Variants in SPAST observed in about 807,000 individuals in gnomAD.
SPAST encodes the protein spastic paraplegia 4 (autosomal dominant; spastin).
Under a neutral mutation model 76.6 loss-of-function variants are expected in SPAST, and 30 were observed. That is an observed-to-expected ratio of 0.39 (90% CI 0.29 to 0.53). The LOEUF is 0.53. Ranked by LOEUF, SPAST falls within the 20% of genes least tolerant of loss-of-function variation. The pLI, the probability that SPAST is intolerant of heterozygous loss-of-function variation, is 0.68. For missense variants in SPAST, 717 were observed against 770.5 expected, an observed-to-expected ratio of 0.93 and a Z score of 0.82; for synonymous variants, 305 against 281.0, an observed-to-expected ratio of 1.09 and a Z score of -0.86.
At chr2:32,073,999 G>C (rs1265788106) in intron 1 of SPAST, among the ~76,000 whole-genome samples, 1 of 152,124 alleles carries the variant, frequency 6.6e-6, no homozygotes, top group Non-Finnish European at 1.5e-5. Context: ...ACTTATCTAT[G>C]GTTGAGCAAG....
chr2:32,079,777 A>G (rs538472110), intron 1 of SPAST, among the ~76,000 whole-genome samples: 5 of 152,230 alleles, frequency 3.3e-5, no homozygotes, highest in African/African-American at 1.2e-4. Context: ...CACCATCTCT[A>G]ACTCCTGGGC....
intron 4 of SPAST, among the ~76,000 whole-genome samples, chr2:32,102,788 G>A (rs1447004760): frequency 6.6e-6 from 1 of 152,190 alleles, no homozygotes; most frequent in Non-Finnish European, 1.5e-5. Context: ...ATTTGCATAT[G>A]TTGAACCAGC....
intron 6 of SPAST, 82 bp from the exon 7 acceptor site, chr2:32,116,037 A>G (rs1396723844): frequency 6.5e-6 from 7 of 1,072,924 alleles, no homozygotes; most frequent in Non-Finnish European, 8.6e-6. Flanking sequence ...AAAAATAACT[A>G]TATGTCATAG....
At chr2:32,087,625 C>T in intron 2 of SPAST, 47 bp downstream of exon 2, 1 of 822,586 alleles carries the variant, frequency 1.2e-6, no homozygotes, top group Non-Finnish European at 2.0e-6. Context: ...GATATATTCA[C>T]ATGATTGTCC....
At position 32,077,068 on chromosome 2, in the gene SPAST, G is replaced by A. The variant is rs532421297; in HGVS notation, c.416-10424G>A. Among the ~76,000 whole-genome samples, 17 of 152,162 alleles carry A rather than the reference G, an allele frequency of 1.1e-4. No homozygotes were observed. The East Asian group carries it at 3.1e-3, about 28-fold the overall frequency. On this transcript the variant is annotated intron_variant, in intron 1 of 16. Transcript: ENST00000315285. ...TTTTTGTATTTTTAGTAGAGATGGG[G>A]TTTCACCATCTTGGCCAGGCTGATC...
intron 9 of SPAST, among the ~76,000 whole-genome samples, chr2:32,135,519 G>C (rs1207652252): frequency 6.6e-6 from 1 of 152,086 alleles, no homozygotes; most frequent in African/African-American, 2.4e-5. Flanking sequence ...GCCACCTAGA[G>C]GACAGAAAAA....
Position 32,075,550 on chromosome 2 carries a change from T to TTTTC in SPAST, c.415+11307_415+11308insCTTT, listed in dbSNP as rs1553397111. Among the ~76,000 whole-genome samples the TTTTC allele has an allele frequency of 1.8e-4, 24 of 130,752 alleles. 2 individuals are homozygous for TTTTC. The East Asian group carries it at 5.0e-3, about 27-fold the overall frequency. 85.8% of individuals were successfully genotyped at this position (130,752 alleles called of 152,430 possible). A position where few individuals can be genotyped will look rare whatever the true frequency, so the allele number is the denominator to read the frequency against. On this transcript the variant is annotated intron_variant, in intron 1 of 16. Coordinates refer to ENST00000315285, the MANE Select transcript of SPAST (RefSeq NM_014946.4). ...CATTTAGTGTCATGGCTTTTTTCTT[T>TTTTC]TTTTTTTTTTTTTTTTTGAGACAAA...
At chr2:32,118,316 T>C (rs1678910700) in intron 7 of SPAST, among the ~76,000 whole-genome samples, 1 of 152,224 alleles carries the variant, frequency 6.6e-6, no homozygotes, top group African/African-American at 2.4e-5. Context: ...CTGAATATTT[T>C]TCAAGTCTAT....
intron 4 of SPAST, 27 bp downstream of exon 4, chr2:32,098,918 T>G: frequency 1.4e-6 from 2 of 1,429,724 alleles, no homozygotes; most frequent in East Asian, 4.5e-5. Context: ...TAACATAAAA[T>G]AATAAAGCTT....
chr2:32,067,768 T>C (rs1676581332), intron 1 of SPAST, among the ~76,000 whole-genome samples: 1 of 151,214 alleles, frequency 6.6e-6, no homozygotes. Flanking sequence ...CTTTTTTTTT[T>C]TTTTGCTAGA....
rs886673998 is a variant in SPAST at position 32,105,550 on chromosome 2, T to C, written c.682+6659T>C. 2.0e-4 allele frequency among the ~76,000 whole-genome samples: 31 copies of C among 152,200 alleles called. 1 individual carries two copies. The highest frequency in any genetic ancestry group is 7.2e-4 in the African/African-American group (30 of 41,452). On this transcript the variant is annotated intron_variant, in intron 4 of 16. Transcript: ENST00000315285. ...AGAAGAGGCGCTCTGAATTTTAGAA[T>C]TTTCAGCTTTTCTGCTCTGGTTTCT...
chr2:32,071,951 G>A (rs377236187), intron 1 of SPAST, among the ~76,000 whole-genome samples: 5 of 152,174 alleles, frequency 3.3e-5, no homozygotes, highest in African/African-American at 7.2e-5. Flanking sequence ...TCTACAGAAC[G>A]TAAATTTTCC....
At position 32,136,736 on chromosome 2, in the gene SPAST, G is replaced by A. The variant is rs536779933; in HGVS notation, c.1321+98G>A. 121 of 1,318,722 alleles carry A rather than the reference G, an allele frequency of 9.2e-5. No homozygotes were observed. In the South Asian group the frequency reaches 1.4e-3, roughly 15 times the overall value. 81.7% of individuals were successfully genotyped at this position (1,318,722 alleles called of 1,614,324 possible). A position where few individuals can be genotyped will look rare whatever the true frequency, so the allele number is the denominator to read the frequency against. ...TGGAAACATTATTCAGAAGGAAGAA[G>A]TTTTAAAGAAGGGCAAGCTTAAAGA... On this transcript the variant is annotated intron_variant, in intron 10 of 16. Transcript: ENST00000315285.
intron 3 of SPAST, among the ~76,000 whole-genome samples, chr2:32,092,494 G>A (rs1287284349): frequency 6.6e-6 from 1 of 152,142 alleles, no homozygotes; most frequent in Non-Finnish European, 1.5e-5. Context: ...GACATTAGAA[G>A]TATTAATATC....
At chr2:32,105,681 T>A (rs1476793305) in intron 4 of SPAST, among the ~76,000 whole-genome samples, 2 of 152,186 alleles carry the variant, frequency 1.3e-5, no homozygotes, top group Non-Finnish European at 2.9e-5. Flanking sequence ...CTTCTAACAC[T>A]CAGGACCCTC....
At chr2:32,089,685 G>C in intron 3 of SPAST, 80 bp downstream of exon 3, 1 of 802,356 alleles carries the variant, frequency 1.2e-6, no homozygotes. Context: ...GAAAGAAATA[G>C]ATCAGTGATT....
intron 1 of SPAST, among the ~76,000 whole-genome samples, chr2:32,072,073 C>T (rs553254330): frequency 7.9e-5 from 12 of 152,286 alleles, no homozygotes; most frequent in East Asian, 1.9e-4. Flanking sequence ...GACAGAGTCT[C>T]GCTCTGTTGC....
At chr2:32,137,209 A>T (rs1187554093) in intron 12 of SPAST, 21 bp downstream of exon 12, 6 of 1,519,028 alleles carry the variant, frequency 3.9e-6, no homozygotes, top group Non-Finnish European at 5.5e-6. Context: ...TTATATGGAA[A>T]TACATGCATT....
chr2:32,140,372 A>G (rs1013467873), intron 12 of SPAST, among the ~76,000 whole-genome samples: 1 of 151,974 alleles, frequency 6.6e-6, no homozygotes, highest in South Asian at 2.1e-4. Context: ...CTCTTGTTTC[A>G]TAGAAAACAA....
Sources: allele counts gnomAD v4.1 joint callset (sites outside exome capture counted in the v4.1 genomes callset), GRCh38; gene constraint gnomAD v4.1.1; transcripts MANE v1.5; gene names NCBI Gene and HGNC (gene_info 2026-07-23, HGNC 2026-07-21).